TENM3: variants seen among roughly 807,000 people sequenced by gnomAD.
The protein encoded by TENM3 is teneurin-3.
A neutral mutation model predicts 255.1 loss-of-function variants in TENM3; 63 were observed. The ratio of observed to expected loss-of-function variants is 0.25; its 90% CI spans 0.20 to 0.30. The LOEUF is 0.30. TENM3 is among the 10% of genes least tolerant of loss of function. The pLI, the probability that TENM3 is intolerant of heterozygous loss-of-function variation, is 1.00. For synonymous variants in TENM3, 1,306 were observed against 1,322.3 expected (o/e 0.99, Z 0.27); for missense variants, 2,929 against 3,461.1 (o/e 0.85, Z 3.86).
the TENM3 span, among the ~76,000 whole-genome samples, chr4:181,542,252 C>CTT: frequency 6.6e-6 from 1 of 152,104 alleles, no homozygotes; most frequent in Non-Finnish European, 1.5e-5. Context: ...AAAAACGTGA[C>CTT]CCAGAAGTGG....
chr4:181,946,110 G>T, the TENM3 span, among the ~76,000 whole-genome samples: 2 of 152,028 alleles, frequency 1.3e-5, no homozygotes, highest in Non-Finnish European at 2.9e-5. Context: ...AAATTAGGTT[G>T]TTTTTATTTT....
chr4:182,365,785 G>A (rs1365671226), intron 3 of TENM3, among the ~76,000 whole-genome samples: 1 of 152,150 alleles, frequency 6.6e-6, no homozygotes, highest in Non-Finnish European at 1.5e-5. Context: ...GGACAATTTT[G>A]TCATTGTGTG....
At chr4:182,463,534 G>C (rs1301698748) in intron 3 of TENM3, among the ~76,000 whole-genome samples, 4 of 150,820 alleles carry the variant, frequency 2.7e-5, no homozygotes, top group African/African-American at 9.8e-5. Context: ...GCAGTGGTGC[G>C]ATCTCTGCTC....
upstream of TENM3, among the ~76,000 whole-genome samples, chr4:182,241,357 C>G (rs1050164674): frequency 6.6e-6 from 1 of 152,044 alleles, no homozygotes; most frequent in African/African-American, 2.4e-5. Flanking sequence ...TTTTCTCTAA[C>G]AAAAAAGACA....
At chr4:182,389,755 G>C (rs1212400805) in intron 3 of TENM3, among the ~76,000 whole-genome samples, 1 of 143,802 alleles carries the variant, frequency 7.0e-6, no homozygotes, top group African/African-American at 2.5e-5. Flanking sequence ...GCGCGATCTC[G>C]GCTCACTGCA....
the TENM3 span, among the ~76,000 whole-genome samples, chr4:181,599,206 T>A: frequency 6.6e-6 from 1 of 152,212 alleles, no homozygotes; most frequent in Non-Finnish European, 1.5e-5. Context: ...AGCTACCTTA[T>A]TCAAGGACCT....
the TENM3 span, among the ~76,000 whole-genome samples, chr4:181,957,773 C>T: frequency 6.6e-6 from 1 of 152,104 alleles, no homozygotes; most frequent in Non-Finnish European, 1.5e-5. Context: ...CAGTGGTGTA[C>T]TGTTATTTAA....
chr4:182,321,508 T>G (rs1427615494), intron 1 of TENM3, among the ~76,000 whole-genome samples: 1 of 151,854 alleles, frequency 6.6e-6, no homozygotes, highest in Admixed American at 6.6e-5. Flanking sequence ...TACCTGTAAG[T>G]CCAGCTACTC....
chr4:181,670,919 G>A, the TENM3 span, among the ~76,000 whole-genome samples: 1 of 152,126 alleles, frequency 6.6e-6, no homozygotes, highest in African/African-American at 2.4e-5. Flanking sequence ...CGGCATTCTG[G>A]ACAAGTTATT....
At chr4:181,880,101 A>C in the TENM3 span, among the ~76,000 whole-genome samples, 3 of 152,110 alleles carry the variant, frequency 2.0e-5, no homozygotes, top group African/African-American at 7.2e-5. Flanking sequence ...CATTCACTTC[A>C]TAATTGAAAC....
At chr4:181,901,531 A>T in the TENM3 span, among the ~76,000 whole-genome samples, 1 of 152,214 alleles carries the variant, frequency 6.6e-6, no homozygotes, top group South Asian at 2.1e-4. Context: ...AGAGATTTCC[A>T]ATGGAAATTA....
At chr4:181,673,015 T>A in the TENM3 span, among the ~76,000 whole-genome samples, 1 of 152,152 alleles carries the variant, frequency 6.6e-6, no homozygotes, top group Non-Finnish European at 1.5e-5. Context: ...TCGGTCTTCA[T>A]ATCACAGATA....
At chr4:181,856,710 C>A in the TENM3 span, among the ~76,000 whole-genome samples, 4 of 152,202 alleles carry the variant, frequency 2.6e-5, no homozygotes, top group Non-Finnish European at 5.9e-5. Context: ...ATTCCCTGGG[C>A]AGGCTGCTCC....
the TENM3 span, among the ~76,000 whole-genome samples, chr4:181,971,174 T>G: frequency 6.6e-6 from 1 of 152,194 alleles, no homozygotes; most frequent in Non-Finnish European, 1.5e-5. Flanking sequence ...AAATGAGCAT[T>G]TATTATCCAA....
chr4:181,642,798 A>G, the TENM3 span, among the ~76,000 whole-genome samples: 1 of 152,184 alleles, frequency 6.6e-6, no homozygotes, highest in East Asian at 1.9e-4. Flanking sequence ...CAGGTTTGTC[A>G]AAGATCAGAT....
chr4:181,917,220 G>A, the TENM3 span, among the ~76,000 whole-genome samples: 1 of 152,150 alleles, frequency 6.6e-6, no homozygotes, highest in Non-Finnish European at 1.5e-5. Context: ...AGAACCTAAA[G>A]GGTAAACTGC....
chr4:182,379,054 G>A (rs913238541), intron 3 of TENM3, among the ~76,000 whole-genome samples: 11 of 152,174 alleles, frequency 7.2e-5, no homozygotes, highest in Admixed American at 7.2e-4. Flanking sequence ...ATAAAAACTC[G>A]AGGAGATGGC....
chr4:181,917,041 C>G, the TENM3 span, among the ~76,000 whole-genome samples: 1 of 152,152 alleles, frequency 6.6e-6, no homozygotes, highest in East Asian at 1.9e-4. Flanking sequence ...TATAGTATCT[C>G]CCAATAGCCA....
chr4:181,742,945 C>T, the TENM3 span, among the ~76,000 whole-genome samples: 87 of 150,976 alleles, frequency 5.8e-4, 2 homozygotes, highest in South Asian at 0.017. Flanking sequence ...TTTGTTCTTA[C>T]GATAGTTTAC....
Sources: gnomAD v4.1 joint callset for allele counts (sites outside exome capture counted in the v4.1 genomes callset) on GRCh38, gnomAD v4.1.1 for gene constraint, MANE v1.5 for transcripts, NCBI Gene and HGNC (gene_info 2026-07-23, HGNC 2026-07-21) for gene names.